The following HPSE2 variants were observed in gnomAD, a reference collection of about 807,000 sequenced individuals.
The protein encoded by HPSE2 is inactive heparanase-2.
Under a neutral mutation model 60.5 loss-of-function variants are expected in HPSE2, and 38 were observed. The ratio of observed to expected loss-of-function variants is 0.63; its 90% CI spans 0.48 to 0.82. HPSE2 has a LOEUF of 0.82. Ranked by LOEUF, HPSE2 falls within the 40% of genes least tolerant of loss-of-function variation. The pLI is 0.00. For synonymous variants in HPSE2, 295 were observed against 293.2 expected, an observed-to-expected ratio of 1.01 and a Z score of -0.06; for missense variants, 713 against 740.4, an observed-to-expected ratio of 0.96 and a Z score of 0.43.
intron 9 of HPSE2, among the ~76,000 whole-genome samples, chr10:98,563,346 G>C (rs1213877894): frequency 6.6e-6 from 1 of 151,402 alleles, no homozygotes; most frequent in Non-Finnish European, 1.5e-5. Flanking sequence ...TAATACATAA[G>C]AAATGTCCAG....
chr10:98,937,556 G>T lies in HPSE2; in HGVS notation c.611-193500C>A, dbSNP rs1316665601. 4.8e-5 allele frequency among the ~76,000 whole-genome samples: 7 copies of T among 144,422 alleles called. 2 individuals are homozygous for T. The highest frequency in any genetic ancestry group is 2.0e-4 in the African/African-American group (7 of 35,776). The allele number at this position is 144,422 out of a possible 152,430, so 94.7% of individuals were successfully genotyped here. A position where few individuals can be genotyped will look rare whatever the true frequency, so the allele number is the denominator to read the frequency against. The stretch of plus-strand genomic sequence containing the variant: ...GGGAGGGGTGCCCACCATTGCCCAG[G>T]CTTTCTTAGGTAAACAAAGCAGCCT... On this transcript the variant is annotated intron_variant, in intron 3 of 11. Transcript: ENST00000370552.
chr10:98,615,222 T>C (rs1945874887), intron 8 of HPSE2, among the ~76,000 whole-genome samples: 1 of 152,206 alleles, frequency 6.6e-6, no homozygotes, highest in Non-Finnish European at 1.5e-5. Flanking sequence ...CTTCATTTGA[T>C]AGAAAAAGAA....
At chr10:99,314,629 C>T in the HPSE2 span, among the ~76,000 whole-genome samples, 3 of 152,082 alleles carry the variant, frequency 2.0e-5, no homozygotes, top group Non-Finnish European at 4.4e-5. Flanking sequence ...GCGGTATCCC[C>T]GAGGTATGGC....
In HPSE2 at chr10:99,235,842, C is replaced by A. The variant is rs772001098; in HGVS notation, c.-40G>T. 12 of 1,563,678 alleles carry A rather than the reference C, an allele frequency of 7.7e-6. No individual in the cohort carries two copies. The Admixed American group carries it at 2.0e-4, about 26-fold the overall frequency. ...TTAAACCTCTCTTCCTACTGGGTCT[C>A]GCTAGTGACTAATTGTCCTTATCTA... On this transcript the variant is annotated 5_prime_UTR_variant, in exon 1 of 12. Transcript: ENST00000370552.
chr10:98,609,776 T>C (rs1406013068), intron 9 of HPSE2, among the ~76,000 whole-genome samples: 1 of 149,756 alleles, frequency 6.7e-6, no homozygotes, highest in Non-Finnish European at 1.5e-5. Context: ...AATCTTACCA[T>C]AGTTCCAGGC....
intron 9 of HPSE2, among the ~76,000 whole-genome samples, chr10:98,599,997 G>A (rs568588293): frequency 2.0e-5 from 3 of 152,186 alleles, no homozygotes; most frequent in Non-Finnish European, 2.9e-5. Flanking sequence ...GGGAATCTGA[G>A]CCGCTAACTA....
chr10:99,262,751 T>C, the HPSE2 span, among the ~76,000 whole-genome samples: 1 of 152,148 alleles, frequency 6.6e-6, no homozygotes, highest in South Asian at 2.1e-4. Context: ...CAAGTTGTCT[T>C]GCCTATCCAC....
At chr10:98,850,571 C>T (rs544897042) in intron 3 of HPSE2, among the ~76,000 whole-genome samples, 83 of 151,994 alleles carry the variant, frequency 5.5e-4, no homozygotes, top group Admixed American at 5.3e-3. Context: ...CCCGTCTCTA[C>T]TAAAAATACA....
intron 9 of HPSE2, among the ~76,000 whole-genome samples, chr10:98,539,707 T>C (rs1019425613): frequency 9.9e-5 from 15 of 152,182 alleles, no homozygotes; most frequent in African/African-American, 3.4e-4. Flanking sequence ...CTCTGGCCTA[T>C]ACTATCTTTC....
At position 99,235,715 on chromosome 10, in the gene HPSE2, C is replaced by G; in HGVS notation, c.88G>C (p.Ala30Pro). 1 of 1,613,994 alleles carries G rather than the reference C, an allele frequency of 6.2e-7. No homozygotes were observed. The highest frequency in any genetic ancestry group is 1.1e-5 in the South Asian group (1 of 91,074). ...ACLAPGALYL[A>P]LLLHLSLSSQ... The stretch of plus-strand genomic sequence containing the variant: ...GAAAGGGAGAGATGGAGCAACAGAG[C>G]CAAGTAGAGAGCCCCCGGGGCTAGG... The change falls in exon 1 of 12, where the codon GCT becomes CCT. Residue 30 changes from alanine to proline, a missense_variant. Physicochemically the swap from Ala to Pro is conservative, Grantham distance 27. Transcript: ENST00000370552.
At chr10:98,745,502 T>C (rs1949607940) in intron 3 of HPSE2, among the ~76,000 whole-genome samples, 1 of 152,198 alleles carries the variant, frequency 6.6e-6, no homozygotes, top group Non-Finnish European at 1.5e-5. Context: ...TCAAGGCTTC[T>C]ACAACTCACC....
intron 2 of HPSE2, among the ~76,000 whole-genome samples, chr10:99,162,248 A>G (rs1398960100): frequency 6.6e-6 from 1 of 152,226 alleles, no homozygotes. Context: ...AAATAAATAA[A>G]AAGAAACAGA....
Position 98,959,022 on chromosome 10 carries a change from A to G in HPSE2, c.610+185216T>C, listed in dbSNP as rs578241655. 8.1e-4 allele frequency among the ~76,000 whole-genome samples: 124 copies of G among 152,246 alleles called. 1 individual carries two copies. In the Middle Eastern group the frequency reaches 0.024, roughly 29 times the overall value. On this transcript the variant is annotated intron_variant, in intron 3 of 11. Coordinates refer to ENST00000370552, the MANE Select transcript of HPSE2 (RefSeq NM_021828.5). ...ATTTTAAAGAGTTGATGTTAAGAGC[A>G]GAGATAATGTATATGAAGTCAAAAC...
chr10:98,712,624 A>T (rs1390031603), intron 5 of HPSE2, among the ~76,000 whole-genome samples: 1 of 152,146 alleles, frequency 6.6e-6, no homozygotes, highest in Non-Finnish European at 1.5e-5. Context: ...AACATATAGC[A>T]TATATCATGT....
chr10:98,592,035 A>G (rs910920555), intron 9 of HPSE2, among the ~76,000 whole-genome samples: 1 of 152,204 alleles, frequency 6.6e-6, no homozygotes, highest in Non-Finnish European at 1.5e-5. Context: ...TCCTTCCCTA[A>G]AGAAGGTATC....
intron 9 of HPSE2, among the ~76,000 whole-genome samples, chr10:98,567,310 C>T (rs1234411761): frequency 6.6e-6 from 1 of 152,142 alleles, no homozygotes; most frequent in South Asian, 2.1e-4. Flanking sequence ...CTCTTTTAGT[C>T]TCTCTAATAT....
chr10:98,514,353 T>C (rs1007323853), intron 9 of HPSE2, among the ~76,000 whole-genome samples: 2 of 152,200 alleles, frequency 1.3e-5, no homozygotes, highest in African/African-American at 2.4e-5. Context: ...CTAGTAGAGA[T>C]GGTTGCATAC....
chr10:99,197,599 C>T (rs1848444939), intron 2 of HPSE2, among the ~76,000 whole-genome samples: 1 of 152,066 alleles, frequency 6.6e-6, no homozygotes, highest in African/African-American at 2.4e-5. Flanking sequence ...GATTAAATGA[C>T]ACATACATGC....
At chr10:99,013,983 C>A (rs1292880168) in intron 3 of HPSE2, 1 of 364,454 alleles carries the variant, frequency 2.7e-6, no homozygotes. Flanking sequence ...CTCCAGACAC[C>A]CAGACCGCCT....
Sources: allele counts gnomAD v4.1 joint callset (sites outside exome capture counted in the v4.1 genomes callset), GRCh38; gene constraint gnomAD v4.1.1; transcripts MANE v1.5; gene names NCBI Gene and HGNC (gene_info 2026-07-23, HGNC 2026-07-21).